The following FAR2 variants were observed in gnomAD, a reference collection of about 807,000 sequenced individuals.
The protein encoded by FAR2 is fatty acyl-CoA reductase 2.
A neutral mutation model predicts 56.0 loss-of-function variants in FAR2; 19 were observed. That is an observed-to-expected ratio of 0.34 (90% CI 0.24 to 0.50). The LOEUF (loss-of-function observed/expected upper bound fraction) is 0.50, where lower values mean the gene tolerates loss of function less well. Among genes scored for constraint, FAR2 ranks in the 20% least tolerant of loss-of-function variants. The pLI is 0.98. For synonymous variants in FAR2, 219 were observed against 218.8 expected, an observed-to-expected ratio of 1.00 and a Z score of -0.01; for missense variants, 508 against 642.2, an observed-to-expected ratio of 0.79 and a Z score of 2.26.
At chr12:29,261,353 C>T (rs1159848873) in intron 1 of FAR2, among the ~76,000 whole-genome samples, 1 of 151,990 alleles carries the variant, frequency 6.6e-6, no homozygotes, top group African/African-American at 2.4e-5. Flanking sequence ...AACTAGAGAG[C>T]TTGAAGACAG....
At chr12:29,173,412 T>A (rs1949906678) in intron 1 of FAR2, among the ~76,000 whole-genome samples, 1 of 152,152 alleles carries the variant, frequency 6.6e-6, no homozygotes, top group Non-Finnish European at 1.5e-5. Flanking sequence ...TCTAGTGGGA[T>A]GTAAATTGCA....
At chr12:29,211,269 C>T (rs1363188742) in intron 1 of FAR2, among the ~76,000 whole-genome samples, 1 of 151,926 alleles carries the variant, frequency 6.6e-6, no homozygotes, top group East Asian at 1.9e-4. Flanking sequence ...CCGGCCTGGG[C>T]AATGGAGCAA....
chr12:29,325,378 C>T (rs1411458024), intron 10 of FAR2, among the ~76,000 whole-genome samples: 1 of 152,166 alleles, frequency 6.6e-6, no homozygotes, highest in African/African-American at 2.4e-5. Flanking sequence ...AGGAATTGAA[C>T]TCAGCTCTGC....
At chr12:29,322,028 A>C (rs1351007068) in intron 10 of FAR2, 104 bp downstream of exon 10, 1 of 1,329,228 alleles carries the variant, frequency 7.5e-7, no homozygotes, top group Non-Finnish European at 9.9e-7. Flanking sequence ...TTGGTTATAG[A>C]CACAGATTTT....
At chr12:29,274,517 T>C (rs143864223) in intron 2 of FAR2, among the ~76,000 whole-genome samples, 4 of 152,216 alleles carry the variant, frequency 2.6e-5, no homozygotes, top group East Asian at 3.9e-4. Context: ...TGTGCATGTG[T>C]CTTTATAGCA....
Position 29,149,328 on chromosome 12 carries a change from G to C in FAR2, c.-118G>C, listed in dbSNP as rs1368768110. 6.6e-6 allele frequency: 1 copy of C among 152,550 alleles called. No homozygotes were observed. Among genetic ancestry groups the C allele is most frequent in the Non-Finnish European group, 1.5e-5 (1 of 68,300 alleles). The allele number at this position is 152,550 out of a possible 1,614,324, so 9.4% of individuals were successfully genotyped here. ...GACTGGAGCCGTTTCCTTGTGGCTGGAGCGCTTCCCGTAGCCTCGGGGAAG... is the reference window on the plus strand; with the variant it reads ...GACTGGAGCCGTTTCCTTGTGGCTGCAGCGCTTCCCGTAGCCTCGGGGAAG... On this transcript the variant is annotated 5_prime_UTR_variant, in exon 1 of 12. Transcript: ENST00000536681.
At position 29,270,643 on chromosome 12, in the gene FAR2, G is replaced by A. The variant is rs1388319665; in HGVS notation, c.189+5G>A. On this transcript the variant is annotated splice_donor_5th_base_variant and intron_variant, in intron 2 of 11. Coordinates refer to ENST00000536681, the MANE Select transcript of FAR2 (RefSeq NM_001271783.2). ...TTCCAGATCCTAGACAGTAAGGTAT[G>A]CCTTATAGGAAAGCGTGTGTGATGG... 6.2e-7 allele frequency: 1 copy of A among 1,601,170 alleles called. No individual in the cohort carries two copies. The highest frequency in any genetic ancestry group is 1.7e-5 in the Admixed American group (1 of 59,276).
At chr12:29,207,678 G>A (rs186034003) in intron 1 of FAR2, among the ~76,000 whole-genome samples, 2 of 152,264 alleles carry the variant, frequency 1.3e-5, no homozygotes, top group African/African-American at 4.8e-5. Context: ...GGCTGAAACA[G>A]ACTGGATGGA....
intron 8 of FAR2, among the ~76,000 whole-genome samples, chr12:29,312,636 C>G (rs1474869424): frequency 6.6e-6 from 1 of 152,098 alleles, no homozygotes; most frequent in Non-Finnish European, 1.5e-5. Context: ...ATTGATCTGT[C>G]TGAATGTAAA....
chr12:29,165,193 G>A (rs930506535), intron 1 of FAR2, among the ~76,000 whole-genome samples: 3 of 152,096 alleles, frequency 2.0e-5, no homozygotes, highest in Admixed American at 1.3e-4. Context: ...CCTACGTTAG[G>A]CTGTGGTTTC....
At chr12:29,299,164 G>A (rs1949117430) in intron 4 of FAR2, among the ~76,000 whole-genome samples, 1 of 139,350 alleles carries the variant, frequency 7.2e-6, no homozygotes, top group Non-Finnish European at 1.5e-5. Flanking sequence ...AGTGAGCTGA[G>A]ATTGCACCAT....
At chr12:29,196,907 A>G (rs1201809173) in intron 1 of FAR2, among the ~76,000 whole-genome samples, 1 of 152,210 alleles carries the variant, frequency 6.6e-6, no homozygotes, top group Non-Finnish European at 1.5e-5. Context: ...AGACAGCTCA[A>G]GAACAACAAC....
intron 9 of FAR2, among the ~76,000 whole-genome samples, chr12:29,319,293 G>C (rs965792667): frequency 6.6e-6 from 1 of 152,092 alleles, no homozygotes; most frequent in African/African-American, 2.4e-5. Flanking sequence ...GCCCGGCCAA[G>C]GGGTACAAAA....
At chr12:29,169,086 C>T (rs781143127) in intron 1 of FAR2, among the ~76,000 whole-genome samples, 3 of 152,252 alleles carry the variant, frequency 2.0e-5, no homozygotes, top group South Asian at 2.1e-4. Context: ...CTGATTGGTG[C>T]GTTTCCAATC....
intron 1 of FAR2, among the ~76,000 whole-genome samples, chr12:29,239,484 A>G (rs867659498): frequency 2.5e-5 from 2 of 80,208 alleles, no homozygotes; most frequent in East Asian, 4.0e-4. Context: ...GTGTGTGTGT[A>G]TAAAACTTTG....
At chr12:29,172,721 G>A (rs1949899749) in intron 1 of FAR2, among the ~76,000 whole-genome samples, 1 of 152,200 alleles carries the variant, frequency 6.6e-6, no homozygotes, top group African/African-American at 2.4e-5. Context: ...CAGGTGACAG[G>A]GGAGTATATT....
chr12:29,183,839 A>G (rs1950013412), intron 1 of FAR2, among the ~76,000 whole-genome samples: 2 of 152,234 alleles, frequency 1.3e-5, no homozygotes, highest in Admixed American at 1.3e-4. Context: ...ATCATGTATC[A>G]TTCATGTATT....
intron 1 of FAR2, among the ~76,000 whole-genome samples, chr12:29,196,034 A>T (rs2136611393): frequency 6.6e-6 from 1 of 152,184 alleles, no homozygotes; most frequent in Admixed American, 6.5e-5. Context: ...ACATGATTTC[A>T]TTTTTTTATG....
At chr12:29,187,720 AATGG>A (rs1477214940) in intron 1 of FAR2, among the ~76,000 whole-genome samples, 1 of 152,212 alleles carries the variant, frequency 6.6e-6, no homozygotes, top group Non-Finnish European at 1.5e-5. Flanking sequence ...TAATCTGGAC[AATGG>A]ATCTGTATGT....
Sources: allele counts gnomAD v4.1 joint callset (sites outside exome capture counted in the v4.1 genomes callset), GRCh38; gene constraint gnomAD v4.1.1; transcripts MANE v1.5; gene names NCBI Gene and HGNC (gene_info 2026-07-23, HGNC 2026-07-21).